Variants in ADCY2 observed in about 807,000 individuals in gnomAD.
ADCY2 encodes adenylate cyclase type 2.
A neutral mutation model predicts 125.2 loss-of-function variants in ADCY2; 31 were observed. The ratio of observed to expected loss-of-function variants is 0.25; its 90% CI spans 0.19 to 0.33. The LOEUF (loss-of-function observed/expected upper bound fraction) is 0.33. Among genes scored for constraint, ADCY2 ranks in the 10% least tolerant of loss-of-function variants. The pLI, the probability that ADCY2 is intolerant of heterozygous loss-of-function variation, is 1.00. For missense variants in ADCY2, 904 were observed against 1,418.2 expected, an observed-to-expected ratio of 0.64 and a Z score of 5.82; for synonymous variants, 512 against 548.4, an observed-to-expected ratio of 0.93 and a Z score of 0.93.
At chr5:7,716,887 A>G (rs1349918005) in intron 11 of ADCY2, among the ~76,000 whole-genome samples, 1 of 152,202 alleles carries the variant, frequency 6.6e-6, no homozygotes, top group Non-Finnish European at 1.5e-5. Context: ...AATGTTTGAT[A>G]GCAGAATAGG....
At chr5:7,498,773 A>C (rs186073104) in intron 2 of ADCY2, among the ~76,000 whole-genome samples, 2 of 152,318 alleles carry the variant, frequency 1.3e-5, no homozygotes, top group African/African-American at 2.4e-5. Flanking sequence ...AACTACCTAC[A>C]TGTCCACTAG....
intron 3 of ADCY2, among the ~76,000 whole-genome samples, chr5:7,616,214 A>AAGTATAATAATGTCAGAAGG (rs1250046604): frequency 7.2e-5 from 11 of 152,184 alleles, no homozygotes; most frequent in African/African-American, 2.7e-4. Flanking sequence ...ATGTCAGAAG[A>AAGTATAATAATGTCAGAAGG]AGTATAATAA....
At chr5:7,627,726 ATG>A (rs1561132767) in intron 4 of ADCY2, among the ~76,000 whole-genome samples, 1 of 152,190 alleles carries the variant, frequency 6.6e-6, no homozygotes, top group Non-Finnish European at 1.5e-5. Flanking sequence ...TCCTTTGTCT[ATG>A]TGTGGACTGC....
intron 2 of ADCY2, among the ~76,000 whole-genome samples, chr5:7,489,459 G>A (rs1182884502): frequency 6.6e-6 from 1 of 152,102 alleles, no homozygotes; most frequent in Admixed American, 6.5e-5. Context: ...GCCACTGCTG[G>A]GTCATCTTGG....
chr5:7,548,191 AG>A (rs1392016232), intron 3 of ADCY2, among the ~76,000 whole-genome samples: 1 of 152,198 alleles, frequency 6.6e-6, no homozygotes, highest in Non-Finnish European at 1.5e-5. Context: ...TATTAGCTAG[AG>A]AAGTTTGTAT....
intron 4 of ADCY2, 78 bp from the exon 5 acceptor site, chr5:7,690,613 G>A (rs1740673388): frequency 6.9e-6 from 9 of 1,305,372 alleles, no homozygotes; most frequent in Non-Finnish European, 8.9e-6. Context: ...CTACAAATCA[G>A]TGAGGATCTC....
intron 2 of ADCY2, among the ~76,000 whole-genome samples, chr5:7,427,494 C>G (rs953492178): frequency 1.3e-5 from 2 of 152,156 alleles, no homozygotes; most frequent in African/African-American, 4.8e-5. Flanking sequence ...AGAACTCACT[C>G]ACTATCAGAG....
At chr5:7,577,683 A>G (rs138849418) in intron 3 of ADCY2, among the ~76,000 whole-genome samples, 44 of 152,240 alleles carry the variant, frequency 2.9e-4, no homozygotes, top group Non-Finnish European at 5.6e-4. Flanking sequence ...TTTTAGAATT[A>G]CCAGTGTTAA....
At chr5:7,790,746 G>A (rs1047743020) in intron 20 of ADCY2, among the ~76,000 whole-genome samples, 19 of 152,152 alleles carry the variant, frequency 1.2e-4, no homozygotes, top group African/African-American at 4.6e-4. Flanking sequence ...CCCAAAGAGA[G>A]TTTTGAAGAC....
intron 4 of ADCY2, among the ~76,000 whole-genome samples, chr5:7,644,696 C>T (rs1007220320): frequency 6.6e-6 from 1 of 152,106 alleles, no homozygotes; most frequent in African/African-American, 2.4e-5. Context: ...TCTCTCCCAC[C>T]CAAACTCTAA....
intron 24 of ADCY2, among the ~76,000 whole-genome samples, chr5:7,825,120 A>G (rs565005197): frequency 1.6e-4 from 24 of 151,278 alleles, no homozygotes; most frequent in African/African-American, 5.4e-4. Context: ...GCTATGTGCC[A>G]GAACAACACT....
chr5:7,476,006 G>T lies in ADCY2; in HGVS notation c.409-44732G>T, dbSNP rs117407709. ...GAAGTTCACCATAGTTTTTCAACCC[G>T]TTGGTATTAATAATATCAGAGAGGA... On this transcript the variant is annotated intron_variant, in intron 2 of 24. Coordinates refer to ENST00000338316, the MANE Select transcript of ADCY2 (RefSeq NM_020546.3). Among the ~76,000 whole-genome samples, 53 of 152,198 alleles carry T rather than the reference G, an allele frequency of 3.5e-4. 2 individuals are homozygous for T. In the East Asian group the frequency reaches 0.01, roughly 29 times the overall value.
At chr5:7,578,229 T>A (rs4541631) in intron 3 of ADCY2, among the ~76,000 whole-genome samples, 1 of 152,028 alleles carries the variant, frequency 6.6e-6, no homozygotes, top group Non-Finnish European at 1.5e-5. Flanking sequence ...CTTCTTGGCA[T>A]GTAATGTCTG....
intron 4 of ADCY2, among the ~76,000 whole-genome samples, chr5:7,662,381 C>T (rs1291212381): frequency 1.3e-5 from 2 of 152,204 alleles, no homozygotes; most frequent in African/African-American, 4.8e-5. Context: ...ACTCCTTCAT[C>T]CAACTGTTGC....
chr5:7,638,194 T>G (rs1308360103), intron 4 of ADCY2, among the ~76,000 whole-genome samples: 1 of 152,208 alleles, frequency 6.6e-6, no homozygotes, highest in Non-Finnish European at 1.5e-5. Context: ...ATATATTTTT[T>G]TGTGTGTGGT....
At chr5:7,734,683 A>G (rs1742194736) in intron 14 of ADCY2, among the ~76,000 whole-genome samples, 1 of 152,242 alleles carries the variant, frequency 6.6e-6, no homozygotes, top group Non-Finnish European at 1.5e-5. Context: ...AACAGGCAGG[A>G]TAAATGGTTA....
intron 22 of ADCY2, among the ~76,000 whole-genome samples, chr5:7,808,032 A>G (rs957120760): frequency 6.6e-5 from 10 of 152,112 alleles, no homozygotes; most frequent in African/African-American, 2.4e-4. Flanking sequence ...TAGTTTACCG[A>G]GGTGATTCTG....
chr5:7,819,478 C>G (rs146666203), intron 23 of ADCY2, among the ~76,000 whole-genome samples: 1 of 152,154 alleles, frequency 6.6e-6, no homozygotes, highest in Non-Finnish European at 1.5e-5. Context: ...CAGATTCACG[C>G]GAACTGTTGA....
intron 2 of ADCY2, among the ~76,000 whole-genome samples, chr5:7,510,459 A>G (rs187106360): frequency 5.8e-4 from 88 of 152,326 alleles, no homozygotes; most frequent in African/African-American, 2.0e-3. Flanking sequence ...GCACCTGGGA[A>G]GCAGGGTTAC....
Sources: allele counts gnomAD v4.1 joint callset (sites outside exome capture counted in the v4.1 genomes callset), GRCh38; gene constraint gnomAD v4.1.1; transcripts MANE v1.5; gene names NCBI Gene and HGNC (gene_info 2026-07-23, HGNC 2026-07-21).